Variants in MROH9 observed in about 807,000 individuals in gnomAD.
MROH9 encodes the protein maestro heat like repeat family member 9.
Under a neutral mutation model 98.2 loss-of-function variants are expected in MROH9, and 92 were observed. That is an observed-to-expected ratio of 0.94 (90% CI 0.79 to 1.11). The LOEUF (loss-of-function observed/expected upper bound fraction) is 1.11, where lower values mean the gene tolerates loss of function less well. MROH9 is among the 50% of genes most tolerant of loss of function. MROH9 has a pLI of 0.00. For missense variants in MROH9, 1,057 were observed against 1,014.8 expected, an observed-to-expected ratio of 1.04 and a Z score of -0.57; for synonymous variants, 397 against 368.9, an observed-to-expected ratio of 1.08 and a Z score of -0.87.
At chr1:170,959,681 T>C (rs1293007631) in intron 5 of MROH9, 84 bp downstream of exon 5, 4 of 1,266,970 alleles carry the variant, frequency 3.2e-6, no homozygotes, top group Non-Finnish European at 4.3e-6. Context: ...CAGGTGATAA[T>C]CTTTAGGGTC....
At chr1:171,044,224 T>C (rs552108751) in intron 20 of MROH9, among the ~76,000 whole-genome samples, 3 of 152,308 alleles carry the variant, frequency 2.0e-5, no homozygotes, top group African/African-American at 7.2e-5. Flanking sequence ...GAAATGATCA[T>C]ATGGTTTTAT....
intron 7 of MROH9, among the ~76,000 whole-genome samples, chr1:170,970,731 TGAGAGAGA>T (rs1199063303): frequency 8.8e-5 from 8 of 90,802 alleles, no homozygotes; most frequent in African/African-American, 1.3e-4. Flanking sequence ...TGTGTGTGTG[TGAGAGAGA>T]GAGAGAGAGA....
chr1:171,022,954 A>G (rs1426249024), intron 17 of MROH9, among the ~76,000 whole-genome samples: 4 of 152,350 alleles, frequency 2.6e-5, no homozygotes, highest in African/African-American at 9.6e-5. Context: ...TAAAGTAGTC[A>G]GAGCGCTCAT....
rs757784456 is a variant in MROH9, at chr1:170,995,511, G to A, written c.1317G>A (p.Pro439=). The change falls in exon 13 of 22, where the codon CCG becomes CCA. Residue 439 remains proline, a synonymous_variant. Transcript: ENST00000367759. ...FQVFYNSELK[P]ILKDRALYAQ... ...TCTTCTACAACAGTGAGCTGAAACC[G>A]ATACTCAAGGACAGGGCTTTGTGAG... The A allele has an allele frequency of 6.2e-6, 10 of 1,613,036 alleles. No homozygotes were observed. Among genetic ancestry groups the A allele is most frequent in the South Asian group, 2.2e-5 (2 of 91,054 alleles).
chr1:170,996,374 C>A (rs1329872548), intron 13 of MROH9, 133 bp from the exon 14 acceptor site: 11 of 932,836 alleles, frequency 1.2e-5, no homozygotes, highest in African/African-American at 1.7e-5. Flanking sequence ...ATTTAGCAAT[C>A]TTTTTCCATT....
intron 8 of MROH9, among the ~76,000 whole-genome samples, chr1:170,982,982 AAGCTCACCTTCTCC>A (rs1357004495): frequency 2.0e-5 from 3 of 152,156 alleles, no homozygotes; most frequent in Non-Finnish European, 2.9e-5. Context: ...AAATCATTTA[AAGCTCACCTTCTCC>A]AGAACTGAAG....
At chr1:170,942,640 G>T (rs973869503) in intron 1 of MROH9, among the ~76,000 whole-genome samples, 20 of 152,088 alleles carry the variant, frequency 1.3e-4, no homozygotes, top group Admixed American at 1.2e-3. Context: ...AATATGACAT[G>T]CCTGGAATAG....
chr1:171,058,231 C>T (rs568684524), intron 20 of MROH9, among the ~76,000 whole-genome samples: 16 of 151,996 alleles, frequency 1.1e-4, no homozygotes, highest in Admixed American at 7.2e-4. Flanking sequence ...GAATAAATCC[C>T]CATTCACAAT....
At chr1:171,012,045 T>C (rs1351101146) in intron 15 of MROH9, among the ~76,000 whole-genome samples, 2 of 152,060 alleles carry the variant, frequency 1.3e-5, no homozygotes, top group East Asian at 1.9e-4. Context: ...AGTCAAATTA[T>C]GCATTTACTT....
intron 5 of MROH9, 30 bp downstream of exon 5, chr1:170,959,627 G>A: frequency 6.2e-7 from 1 of 1,602,702 alleles, no homozygotes; most frequent in Non-Finnish European, 8.5e-7. Flanking sequence ...AATCATTATA[G>A]GATGTTATTA....
rs369132048 is a variant in MROH9, at chr1:171,031,450, C to T, written c.2281+6030C>T. On this transcript the variant is annotated intron_variant, in intron 20 of 21. Coordinates refer to ENST00000367759, the MANE Select transcript of MROH9 (RefSeq NM_001163629.2). The stretch of plus-strand genomic sequence containing the variant: ...CTTTTTTTCCATGTTTAGCACTTCT[C>T]TCAGGAGCTCTTGCAATGCAGGCCT... Among the ~76,000 whole-genome samples the T allele has an allele frequency of 1.5e-4, 23 of 152,264 alleles. No individual in the cohort carries two copies. The South Asian group carries it at 4.8e-3, about 32-fold the overall frequency.
intron 2 of MROH9, among the ~76,000 whole-genome samples, chr1:170,946,715 G>T (rs1024828013): frequency 2.0e-5 from 3 of 151,650 alleles, no homozygotes; most frequent in Admixed American, 1.3e-4. Flanking sequence ...TAAATATACC[G>T]ATTAAAATAG....
At chr1:170,955,806 G>C (rs1649737143) in intron 3 of MROH9, among the ~76,000 whole-genome samples, 1 of 152,110 alleles carries the variant, frequency 6.6e-6, no homozygotes, top group Non-Finnish European at 1.5e-5. Context: ...CCGTACAAAA[G>C]CTCTTTAGTT....
chr1:171,063,536 G>A (rs12041515), intron 21 of MROH9, among the ~76,000 whole-genome samples: 2 of 152,052 alleles, frequency 1.3e-5, no homozygotes, highest in Non-Finnish European at 1.5e-5. Flanking sequence ...ATAGGCATGA[G>A]CCACCGTGCC....
intron 12 of MROH9, 135 bp from the exon 13 acceptor site, chr1:170,995,254 C>A: frequency 1.2e-6 from 1 of 830,698 alleles, no homozygotes; most frequent in Non-Finnish European, 1.9e-6. Context: ...GAATGGATAC[C>A]CATATGTGCT....
At chr1:171,017,601 G>A (rs886633326) in intron 17 of MROH9, among the ~76,000 whole-genome samples, 22 of 152,198 alleles carry the variant, frequency 1.4e-4, no homozygotes, top group African/African-American at 5.3e-4. Flanking sequence ...CTCCTTGGGG[G>A]AGGGGTGGCA....
intron 20 of MROH9, among the ~76,000 whole-genome samples, chr1:171,052,032 AC>A (rs1012152894): frequency 6.9e-6 from 1 of 145,636 alleles, no homozygotes; most frequent in Non-Finnish European, 1.5e-5. Flanking sequence ...CTGGTCTTGG[AC>A]CTTTTTTTTT....
rs150698117 is a variant in MROH9 at position 171,010,459 on chromosome 1, G to A, written c.1597-3658G>A. Among the ~76,000 whole-genome samples, 481 of 152,234 alleles carry A rather than the reference G, an allele frequency of 3.2e-3. 4 individuals are homozygous for A. The highest frequency in any genetic ancestry group is 0.011 in the African/African-American group (448 of 41,536). On this transcript the variant is annotated intron_variant, in intron 15 of 21. Transcript: ENST00000367759. The stretch of plus-strand genomic sequence containing the variant: ...TCCTTTGGGTATATACCTAGTAATG[G>A]GATTGCTGGGTCAAATGGTAATTCT...
intron 20 of MROH9, among the ~76,000 whole-genome samples, chr1:171,051,556 G>T (rs1653666129): frequency 6.6e-6 from 1 of 152,038 alleles, no homozygotes; most frequent in Non-Finnish European, 1.5e-5. Context: ...CATGGAAAAA[G>T]GGAAGGGAAC....
Sources: gnomAD v4.1 joint callset for allele counts (sites outside exome capture counted in the v4.1 genomes callset) on GRCh38, gnomAD v4.1.1 for gene constraint, MANE v1.5 for transcripts, NCBI Gene and HGNC (gene_info 2026-07-23, HGNC 2026-07-21) for gene names.